The following ERC1 variants were observed in gnomAD, a reference collection of about 807,000 sequenced individuals.
ERC1 encodes the protein RAB6 interacting protein 2.
ERC1 carries 56 observed loss-of-function variants against 132.0 expected under a neutral mutation model. The observed-to-expected ratio is 0.42, with a 90% confidence interval of 0.34 to 0.53. The LOEUF (loss-of-function observed/expected upper bound fraction) is 0.53, where lower values mean the gene tolerates loss of function less well. Among genes scored for constraint, ERC1 ranks in the 20% least tolerant of loss-of-function variants. The pLI is 0.03. For synonymous variants in ERC1, 478 were observed against 476.1 expected (o/e 1.00, Z -0.05); for missense variants, 1,202 against 1,349.9 (o/e 0.89, Z 1.72).
At chr12:1,006,050 C>G (rs1426628771) in intron 1 of ERC1, among the ~76,000 whole-genome samples, 1 of 151,658 alleles carries the variant, frequency 6.6e-6, no homozygotes, top group Non-Finnish European at 1.5e-5. Context: ...CTCTGCTTCC[C>G]GGGTTCAAGC....
chr12:991,175 G>C (rs1959188531), upstream of ERC1: 2 of 140,474 alleles, frequency 1.4e-5, no homozygotes, highest in African/African-American at 5.7e-5. Flanking sequence ...CGGCGGGGCT[G>C]GGGGCGGGGC....
chr12:1,460,958 CTTTTT>C (rs35505633), intron 18 of ERC1, among the ~76,000 whole-genome samples: 1 of 64,912 alleles, frequency 1.5e-5, no homozygotes, highest in East Asian at 5.7e-4. Context: ...TGAGGAGGCC[CTTTTT>C]TTTTTTTTTT....
rs1957176263 is a variant in ERC1 at position 1,204,435 on chromosome 12, T to C, written c.2351+14383T>C. On this transcript the variant is annotated intron_variant, in intron 12 of 18. Transcript: ENST00000360905. ...GTCCATGAATAATATTTCTGAATAT[T>C]GTCCTTATTAATTCTTTCTAACTTT... 3.7e-6 allele frequency: 5 copies of C among 1,348,260 alleles called. No homozygotes were observed. The African/African-American group carries it at 5.7e-5, about 15-fold the overall frequency. 83.5% of individuals were successfully genotyped at this position (1,348,260 alleles called of 1,614,324 possible).
At chr12:1,210,693 G>C (rs1057024002) in intron 12 of ERC1, among the ~76,000 whole-genome samples, 1 of 152,138 alleles carries the variant, frequency 6.6e-6, no homozygotes, top group Non-Finnish European at 1.5e-5. Flanking sequence ...ACAAAAGACA[G>C]TTTTAAGATT....
At chr12:1,077,158 TAAAC>T (rs1322280736) in intron 2 of ERC1, among the ~76,000 whole-genome samples, 1 of 149,120 alleles carries the variant, frequency 6.7e-6, no homozygotes, top group East Asian at 1.9e-4. Flanking sequence ...ATCTTCTTGA[TAAAC>T]AGTGTACTGA....
At chr12:1,387,165 T>G (rs149563883) in intron 16 of ERC1, among the ~76,000 whole-genome samples, 30 of 152,344 alleles carry the variant, frequency 2.0e-4, no homozygotes, top group African/African-American at 6.7e-4. Context: ...ATGGAGAAGA[T>G]GGATCATACT....
At chr12:1,440,266 GCC>G (rs1386080790) in intron 17 of ERC1, among the ~76,000 whole-genome samples, 6 of 139,708 alleles carry the variant, frequency 4.3e-5, no homozygotes, top group East Asian at 2.1e-4. Flanking sequence ...GTGCAGTGGT[GCC>G]ATCTCGGCTC....
intron 12 of ERC1, among the ~76,000 whole-genome samples, chr12:1,214,334 AT>A (rs1283101847): frequency 6.6e-6 from 1 of 152,198 alleles, no homozygotes; most frequent in African/African-American, 2.4e-5. Context: ...TGCTCTTTTC[AT>A]TTTTAGTGTG....
chr12:1,339,416 G>C (rs1235790414), intron 15 of ERC1, among the ~76,000 whole-genome samples: 1 of 141,386 alleles, frequency 7.1e-6, no homozygotes, highest in African/African-American at 2.8e-5. Context: ...ACTGTGACGG[G>C]GTGCTAGCAG....
chr12:1,109,916 C>T (rs79453968), intron 4 of ERC1, among the ~76,000 whole-genome samples: 4,440 of 152,212 alleles, frequency 0.029, 221 homozygotes, highest in African/African-American at 0.1. Context: ...GGCATGGTAG[C>T]GTACACTTGT....
intron 12 of ERC1, among the ~76,000 whole-genome samples, chr12:1,221,181 A>T (rs1431894509): frequency 6.6e-6 from 1 of 152,170 alleles, no homozygotes; most frequent in Non-Finnish European, 1.5e-5. Context: ...ATTTTCGAAG[A>T]TAGCACCTGG....
chr12:1,140,051 C>T (rs906377701), intron 7 of ERC1, among the ~76,000 whole-genome samples: 1 of 152,032 alleles, frequency 6.6e-6, no homozygotes, highest in African/African-American at 2.4e-5. Flanking sequence ...CAAATGGGAG[C>T]TCAAATGATT....
chr12:1,408,297 T>C (rs752212688), intron 17 of ERC1, 50 bp downstream of exon 17: 42 of 1,408,212 alleles, frequency 3.0e-5, no homozygotes, highest in Non-Finnish European at 4.2e-5. Context: ...ACTTAAATTT[T>C]GAAATGTTTT....
chr12:1,112,082 G>A, intron 5 of ERC1, 133 bp from the exon 6 acceptor site: 1 of 620,034 alleles, frequency 1.6e-6, no homozygotes, highest in Admixed American at 2.5e-5. Context: ...TCTTTGAAGA[G>A]GGAATGAGGG....
At chr12:1,478,711 C>G (rs1275829010) in intron 18 of ERC1, among the ~76,000 whole-genome samples, 1 of 151,960 alleles carries the variant, frequency 6.6e-6, no homozygotes, top group East Asian at 1.9e-4. Flanking sequence ...ATGGTGTGAA[C>G]CCGGGATGTG....
intron 15 of ERC1, among the ~76,000 whole-genome samples, chr12:1,311,666 A>C (rs2081316049): frequency 6.6e-6 from 1 of 152,150 alleles, no homozygotes. Flanking sequence ...TTTAGACCAG[A>C]AATTCTTGGA....
intron 15 of ERC1, among the ~76,000 whole-genome samples, chr12:1,364,001 G>A (rs1478049879): frequency 6.6e-6 from 1 of 152,212 alleles, no homozygotes; most frequent in Non-Finnish European, 1.5e-5. Context: ...TGCTAGGCAG[G>A]ACCCCAGCGT....
At chr12:1,351,756 A>G (rs1004775106) in intron 15 of ERC1, among the ~76,000 whole-genome samples, 6 of 152,088 alleles carry the variant, frequency 3.9e-5, no homozygotes, top group Non-Finnish European at 7.4e-5. Context: ...GCAGTGTATC[A>G]TAAGGCCCAT....
intron 1 of ERC1, among the ~76,000 whole-genome samples, chr12:1,007,149 G>A (rs937384816): frequency 1.3e-5 from 2 of 152,098 alleles, no homozygotes; most frequent in Admixed American, 6.6e-5. Flanking sequence ...TTATTGATAC[G>A]TGCAAGAACT....
Sources: gnomAD v4.1 joint callset for allele counts (sites outside exome capture counted in the v4.1 genomes callset) on GRCh38, gnomAD v4.1.1 for gene constraint, MANE v1.5 for transcripts, NCBI Gene and HGNC (gene_info 2026-07-23, HGNC 2026-07-21) for gene names.